The following PCDHGA2 variants were observed in gnomAD, a reference collection of about 807,000 sequenced individuals.
The protein encoded by PCDHGA2 is protocadherin gamma-A2.
Under a neutral mutation model 59.2 loss-of-function variants are expected in PCDHGA2, and 40 were observed. The observed-to-expected ratio is 0.68, with a 90% CI of 0.52 to 0.88. The LOEUF is 0.88. PCDHGA2 is among the 40% of genes least tolerant of loss of function. The pLI, the probability that PCDHGA2 is intolerant of heterozygous loss-of-function variation, is 0.00. For synonymous variants in PCDHGA2, 560 were observed against 526.0 expected, an observed-to-expected ratio of 1.06 and a Z score of -0.89; for missense variants, 1,226 against 1,204.0, an observed-to-expected ratio of 1.02 and a Z score of -0.27.
At chr5:141,451,004 T>A (rs2098704048) in intron 1 of PCDHGA2, among the ~76,000 whole-genome samples, 1 of 151,474 alleles carries the variant, frequency 6.6e-6, no homozygotes, top group South Asian at 2.1e-4. Flanking sequence ...TTTTTGTATT[T>A]TTTTTAGTAG....
intron 1 of PCDHGA2, chr5:141,346,435 A>G: frequency 6.2e-7 from 1 of 1,614,272 alleles, no homozygotes; most frequent in Non-Finnish European, 8.5e-7. Flanking sequence ...CTTGAAATGA[A>G]AGGAGATTCC....
At chr5:141,428,008 T>C (rs2097099623) in intron 1 of PCDHGA2, 4 of 1,601,848 alleles carry the variant, frequency 2.5e-6, no homozygotes, top group Admixed American at 3.3e-5. Context: ...CTCTTCGATA[T>C]AGTGCCACGC....
chr5:141,396,830 G>A (rs1014090361), intron 1 of PCDHGA2, among the ~76,000 whole-genome samples: 1 of 152,198 alleles, frequency 6.6e-6, no homozygotes, highest in African/African-American at 2.4e-5. Context: ...TGCATATTCA[G>A]TGGAGTGGGA....
rs960036450 is a variant in PCDHGA2 at position 141,352,784 on chromosome 5, G to A, written c.2424+11389G>A. 1.8e-5 allele frequency: 19 copies of A among 1,081,118 alleles called. No homozygotes were observed. In the African/African-American group the frequency reaches 2.8e-4, roughly 16 times the overall value. The allele number at this position is 1,081,118 out of a possible 1,614,324, so 67.0% of individuals were successfully genotyped here. A position where few individuals can be genotyped will look rare whatever the true frequency, so the allele number is the denominator to read the frequency against. Reference sequence around the variant, plus strand: ...GCAGGTGGATCACTTGAGGTCAGGAGTTTGAGACCAGCATAGCCAAGATGG... The same window carrying A: ...GCAGGTGGATCACTTGAGGTCAGGAATTTGAGACCAGCATAGCCAAGATGG... On this transcript the variant is annotated intron_variant, in intron 1 of 3. Coordinates refer to ENST00000394576, the MANE Select transcript of PCDHGA2 (RefSeq NM_018915.4).
intron 1 of PCDHGA2, chr5:141,344,599 C>T (rs779646542): frequency 6.2e-7 from 1 of 1,613,826 alleles, no homozygotes; most frequent in African/African-American, 1.3e-5. Context: ...TCTGAGGGGG[C>T]CAAGTATCCA....
chr5:141,468,681 A>G (rs1415798588), intron 1 of PCDHGA2: 1 of 151,830 alleles, frequency 6.6e-6, no homozygotes, highest in African/African-American at 2.4e-5. Flanking sequence ...CCTGGCTAAC[A>G]CGGTGAAACC....
At chr5:141,342,176 C>A (rs1323667344) in intron 1 of PCDHGA2, 2 of 151,858 alleles carry the variant, frequency 1.3e-5, no homozygotes, top group Admixed American at 1.3e-4. Flanking sequence ...AATATATATC[C>A]TCAATATAGT....
chr5:141,471,964 T>C lies in PCDHGA2; in HGVS notation c.2425-22843T>C, dbSNP rs138170906. Among the ~76,000 whole-genome samples, 591 of 152,278 alleles carry C rather than the reference T, an allele frequency of 3.9e-3. 6 individuals are homozygous for C. Among genetic ancestry groups the C allele is most frequent in the Admixed American group, 0.011 (171 of 15,292 alleles). On this transcript the variant is annotated intron_variant, in intron 1 of 3. Transcript: ENST00000394576. ...TCTAAAACTGGATTGTGGGGTTGGT[T>C]GCATTACTGTATAAATTTATTAAAA...
intron 1 of PCDHGA2, among the ~76,000 whole-genome samples, chr5:141,437,807 G>T (rs910427301): frequency 6.7e-6 from 1 of 149,476 alleles, no homozygotes; most frequent in Non-Finnish European, 1.5e-5. Flanking sequence ...GCACTATCTT[G>T]GCTCACTGCA....
chr5:141,426,270 G>A lies in PCDHGA2; in HGVS notation c.2425-68537G>A, dbSNP rs999517850. On this transcript the variant is annotated intron_variant, in intron 1 of 3. Coordinates refer to ENST00000394576, the MANE Select transcript of PCDHGA2 (RefSeq NM_018915.4). Reference sequence around the variant, plus strand: ...TTTTCTCTTAACGTCGGAGACTGCAGCAACGCATGGGAAGGATGGGAAACA... The same window carrying A: ...TTTTCTCTTAACGTCGGAGACTGCAACAACGCATGGGAAGGATGGGAAACA... 2.6e-4 allele frequency: 43 copies of A among 163,626 alleles called. 1 individual carries two copies. The highest frequency in any genetic ancestry group is 3.0e-3 in the Middle Eastern group (1 of 328). 10.1% of individuals were successfully genotyped at this position (163,626 alleles called of 1,614,324 possible).
chr5:141,420,492 TC>T (rs1172385190), intron 1 of PCDHGA2: 8 of 508,012 alleles, frequency 1.6e-5, no homozygotes, highest in Non-Finnish European at 1.8e-5. Flanking sequence ...ATGGGTAATC[TC>T]CGGTGACATT....
At chr5:141,423,332 C>T in intron 1 of PCDHGA2, 1 of 1,614,198 alleles carries the variant, frequency 6.2e-7, no homozygotes, top group South Asian at 1.1e-5. Flanking sequence ...GCCGCAGTCT[C>T]CTGCATCTTC....
intron 1 of PCDHGA2, chr5:141,389,539 A>G (rs762558713): frequency 6.2e-7 from 1 of 1,613,218 alleles, no homozygotes; most frequent in Non-Finnish European, 8.5e-7. Context: ...TTAGTGGACG[A>G]CCGCAACGAC....
At chr5:141,416,657 A>C (rs1194195210) in intron 1 of PCDHGA2, 6 of 152,232 alleles carry the variant, frequency 3.9e-5, no homozygotes, top group Non-Finnish European at 7.3e-5. Context: ...TGTAAAAAAG[A>C]AAAGAATATA....
In PCDHGA2 at chr5:141,486,157, AG is replaced by A. The variant is rs1562110605; in HGVS notation, c.2425-8649del. 1 of 1,614,208 alleles carries A rather than the reference AG, an allele frequency of 6.2e-7. No homozygotes were observed. Among genetic ancestry groups the A allele is most frequent in the Admixed American group, 1.7e-5 (1 of 60,026 alleles). On this transcript the variant is annotated intron_variant, in intron 1 of 3. Coordinates refer to ENST00000394576, the MANE Select transcript of PCDHGA2 (RefSeq NM_018915.4). This position sits in a 1 kb window ranked among gnomAD's most constrained non-coding sequence, Gnocchi z 5.0. ...TGCGGGCTCGCGATGGGGGTTCTCC[AG>A]CCATGGAGCAACATTGCAGCCTTCG...
At chr5:141,348,433 T>C (rs1223053544) in intron 1 of PCDHGA2, among the ~76,000 whole-genome samples, 1 of 152,076 alleles carries the variant, frequency 6.6e-6, no homozygotes, top group East Asian at 1.9e-4. Flanking sequence ...TTTTAACATA[T>C]CATTTTTAGA....
chr5:141,362,442 C>T (rs1762499161), intron 1 of PCDHGA2: 1 of 1,614,062 alleles, frequency 6.2e-7, no homozygotes, highest in South Asian at 1.1e-5. Flanking sequence ...ATTTTCTGAA[C>T]ATAACCCCGG....
chr5:141,458,695 G>T (rs551105765), intron 1 of PCDHGA2, among the ~76,000 whole-genome samples: 2 of 151,734 alleles, frequency 1.3e-5, no homozygotes, highest in Non-Finnish European at 2.9e-5. Context: ...TCAGCCTCCC[G>T]AGTAGCTGGG....
intron 3 of PCDHGA2, among the ~76,000 whole-genome samples, chr5:141,507,521 C>G (rs2099861196): frequency 6.6e-6 from 1 of 151,972 alleles, no homozygotes; most frequent in African/African-American, 2.4e-5. Flanking sequence ...GGCTATGATT[C>G]CAGAGAGGCC....
Sources: gnomAD v4.1 joint callset for allele counts (sites outside exome capture counted in the v4.1 genomes callset) on GRCh38, gnomAD v4.1.1 for gene constraint, Gnocchi (gnomAD v3.1) non-coding constraint, MANE v1.5 for transcripts, NCBI Gene and HGNC (gene_info 2026-07-23, HGNC 2026-07-21) for gene names.